Variants in HPCAL1 observed in about 807,000 individuals in gnomAD.
HPCAL1 encodes the protein hippocalcin like 1, also known as hippocalcin-like protein 1.
Under a neutral mutation model 17.1 loss-of-function variants are expected in HPCAL1, and 8 were observed. That is an observed-to-expected ratio of 0.47 (90% CI 0.27 to 0.84). HPCAL1 has a LOEUF of 0.84. HPCAL1 is among the 40% of genes least tolerant of loss of function. HPCAL1 has a pLI of 0.13. For missense variants in HPCAL1, 165 were observed against 271.1 expected, an observed-to-expected ratio of 0.61 and a Z score of 2.75; for synonymous variants, 112 against 111.4, an observed-to-expected ratio of 1.01 and a Z score of -0.03.
At chr2:10,412,862 G>T (rs1670440746) in intron 2 of HPCAL1, among the ~76,000 whole-genome samples, 1 of 152,154 alleles carries the variant, frequency 6.6e-6, no homozygotes, top group Non-Finnish European at 1.5e-5. Context: ...ACTGATATGT[G>T]TTGGGGCTTG....
intron 1 of HPCAL1, among the ~76,000 whole-genome samples, chr2:10,312,231 T>A (rs1663018179): frequency 8.4e-6 from 1 of 119,150 alleles, no homozygotes; most frequent in Admixed American, 8.7e-5. Context: ...ATCACTGTCA[T>A]CACCATCATC....
chr2:10,337,866 C>T (rs1271881310), intron 1 of HPCAL1, among the ~76,000 whole-genome samples: 9 of 152,174 alleles, frequency 5.9e-5, no homozygotes, highest in African/African-American at 1.4e-4. Flanking sequence ...TCAATGTTCC[C>T]GGCAGTACCT....
At chr2:10,392,841 C>T (rs909519060) in intron 1 of HPCAL1, among the ~76,000 whole-genome samples, 6 of 152,176 alleles carry the variant, frequency 3.9e-5, no homozygotes, top group Admixed American at 6.5e-5. Flanking sequence ...CTGACATGAA[C>T]GAAGGGCTGG....
At chr2:10,376,733 A>T (rs1667583788) in intron 1 of HPCAL1, among the ~76,000 whole-genome samples, 1 of 152,072 alleles carries the variant, frequency 6.6e-6, no homozygotes, top group South Asian at 2.1e-4. Flanking sequence ...CACTGCCCCC[A>T]GCCTTTATAT....
At chr2:10,401,135 C>T (rs1669581681) in intron 2 of HPCAL1, among the ~76,000 whole-genome samples, 2 of 152,150 alleles carry the variant, frequency 1.3e-5, no homozygotes, top group South Asian at 2.1e-4. Context: ...CTGCTGGCCC[C>T]GGGTCTCCAG....
At position 10,342,807 on chromosome 2, in the gene HPCAL1, C is replaced by T. The variant is rs1051094226; in HGVS notation, c.-111+39630C>T. On this transcript the variant is annotated intron_variant, in intron 1 of 4. Transcript: ENST00000307845. The surrounding 1 kb of genome is among the most constrained non-coding windows in gnomAD (Gnocchi z 4.1). ...CAGTAGCTACGCAGGATGCTCTGGC[C>T]GGCCTCTGAGGATTCTCTTCTTCTG... is the stretch of plus-strand genomic sequence containing the variant. Among the ~76,000 whole-genome samples, 4 of 152,200 alleles carry T rather than the reference C, an allele frequency of 2.6e-5. No individual in the cohort carries two copies. Among genetic ancestry groups the T allele is most frequent in the Non-Finnish European group, 4.4e-5 (3 of 68,030 alleles).
chr2:10,395,643 G>A lies in HPCAL1; in HGVS notation c.-110-1192G>A, dbSNP rs867137928. Among the ~76,000 whole-genome samples the A allele has an allele frequency of 1.1e-4, 17 of 152,336 alleles. No individual in the cohort carries two copies. In the East Asian group the frequency reaches 2.9e-3, roughly 26 times the overall value. Reference sequence around the variant, plus strand: ...GTTGCTATGAGAGAGAGAACCTTGCGTTGGGAGAAAGTAATTAGGGAGTGT... The same window carrying A: ...GTTGCTATGAGAGAGAGAACCTTGCATTGGGAGAAAGTAATTAGGGAGTGT... On this transcript the variant is annotated intron_variant, in intron 1 of 4. Transcript: ENST00000307845. The surrounding 1 kb of genome is among the most constrained non-coding windows in gnomAD (Gnocchi z 4.4).
chr2:10,307,517 G>A (rs1442561148), intron 1 of HPCAL1, among the ~76,000 whole-genome samples: 1 of 152,180 alleles, frequency 6.6e-6, no homozygotes, highest in Non-Finnish European at 1.5e-5. Flanking sequence ...CACTAGGTGT[G>A]GGCTCCGAGC....
At chr2:10,334,092 C>A (rs1327379221) in intron 1 of HPCAL1, among the ~76,000 whole-genome samples, 3 of 152,204 alleles carry the variant, frequency 2.0e-5, no homozygotes, top group Non-Finnish European at 4.4e-5. Flanking sequence ...AGCCACTCTG[C>A]GGAGGGAAGT....
intron 1 of HPCAL1, among the ~76,000 whole-genome samples, chr2:10,389,457 T>C (rs151096662): frequency 1.7e-4 from 26 of 152,332 alleles, no homozygotes; most frequent in Non-Finnish European, 3.5e-4. Flanking sequence ...AAGTCCCAGT[T>C]TGGGGGCTCA....
Position 10,394,331 on chromosome 2 carries a change from T to C in HPCAL1, c.-110-2504T>C, listed in dbSNP as rs1053089972. Among the ~76,000 whole-genome samples, 1 of 152,100 alleles carries C rather than the reference T, an allele frequency of 6.6e-6. No homozygotes were observed. Among genetic ancestry groups the C allele is most frequent in the Non-Finnish European group, 1.5e-5 (1 of 68,016 alleles). On this transcript the variant is annotated intron_variant, in intron 1 of 4. Coordinates refer to ENST00000307845, the MANE Select transcript of HPCAL1 (RefSeq NM_002149.4). The surrounding 1 kb of genome is among the most constrained non-coding windows in gnomAD (Gnocchi z 5.0). ...GGAAGGGGATGATGAAATGAGGACC[T>C]GGTACATTCTGCTGCTGGTTCCATT...
At chr2:10,417,372 AC>A (rs1011772034) in intron 2 of HPCAL1, among the ~76,000 whole-genome samples, 2 of 149,860 alleles carry the variant, frequency 1.3e-5, no homozygotes, top group African/African-American at 2.5e-5. Context: ...TCAAAAAAAA[AC>A]AAAAAAAAAA....
chr2:10,325,113 G>A (rs371351500), intron 1 of HPCAL1, among the ~76,000 whole-genome samples: 1 of 151,692 alleles, frequency 6.6e-6, no homozygotes, highest in Non-Finnish European at 1.5e-5. Flanking sequence ...GATTACAGGC[G>A]TGAGCCACTG....
At position 10,419,267 on chromosome 2, in the gene HPCAL1, A is replaced by G. The variant is rs1275488675; in HGVS notation, c.-24-467A>G. The stretch of plus-strand genomic sequence containing the variant: ...AGGTGGGTGGGGGTGACTCCCTGAA[A>G]GTTTCTAGACGCCTCTTCTAAAGAT... On this transcript the variant is annotated intron_variant, in intron 2 of 4. Coordinates refer to ENST00000307845, the MANE Select transcript of HPCAL1 (RefSeq NM_002149.4). The surrounding 1 kb of genome is among the most constrained non-coding windows in gnomAD (Gnocchi z 5.0). Among the ~76,000 whole-genome samples, 1 of 152,150 alleles carries G rather than the reference A, an allele frequency of 6.6e-6. No homozygotes were observed. Among genetic ancestry groups the G allele is most frequent in the Admixed American group, 6.6e-5 (1 of 15,262 alleles).
intron 2 of HPCAL1, among the ~76,000 whole-genome samples, chr2:10,401,098 A>T (rs187136862): frequency 3.0e-4 from 45 of 152,284 alleles, no homozygotes; most frequent in Admixed American, 1.2e-3. Flanking sequence ...CCGAGGCTGC[A>T]CAAGGACACT....
intron 1 of HPCAL1, among the ~76,000 whole-genome samples, chr2:10,390,686 G>A (rs1200933264): frequency 6.6e-6 from 1 of 152,142 alleles, no homozygotes; most frequent in African/African-American, 2.4e-5. Context: ...CTGGGCAAGA[G>A]GTTGGATACT....
In HPCAL1 at chr2:10,399,241, T is replaced by TCAC. The variant is rs1558517511; in HGVS notation, c.-25+2339_-25+2341dup. On this transcript the variant is annotated intron_variant, in intron 2 of 4. Transcript: ENST00000307845. ...ACCACCACCACCACCACCACCACCA[T>TCAC]CACCACCACCACCACCACCATCACC... is the stretch of plus-strand genomic sequence containing the variant. 6.2e-3 allele frequency among the ~76,000 whole-genome samples: 75 copies of TCAC among 12,056 alleles called. 7 individuals are homozygous for TCAC. The highest frequency in any genetic ancestry group is 0.055 in the East Asian group (20 of 364). The allele number at this position is 12,056 out of a possible 152,430, so 7.9% of individuals were successfully genotyped here. A position where few individuals can be genotyped will look rare whatever the true frequency, so the allele number is the denominator to read the frequency against.
At chr2:10,329,725 C>A (rs1664238561) in intron 1 of HPCAL1, among the ~76,000 whole-genome samples, 1 of 152,234 alleles carries the variant, frequency 6.6e-6, no homozygotes, top group African/African-American at 2.4e-5. Flanking sequence ...CTGCTTCTGA[C>A]CCGTGGATCC....
chr2:10,311,534 G>A (rs1168034232), intron 1 of HPCAL1, among the ~76,000 whole-genome samples: 8 of 152,158 alleles, frequency 5.3e-5, no homozygotes, highest in South Asian at 4.1e-4. Context: ...AAAACAATAC[G>A]GCCTGGCTGA....
Sources: gnomAD v4.1 joint callset for allele counts (sites outside exome capture counted in the v4.1 genomes callset) on GRCh38, gnomAD v4.1.1 for gene constraint, Gnocchi (gnomAD v3.1) non-coding constraint, MANE v1.5 for transcripts, NCBI Gene and HGNC (gene_info 2026-07-23, HGNC 2026-07-21) for gene names.